ZNF804A: variants seen among roughly 807,000 people sequenced by gnomAD.
ZNF804A encodes zinc finger protein 804A.
A neutral mutation model predicts 16.5 loss-of-function variants in ZNF804A; 2 were observed. The ratio of observed to expected loss-of-function variants is 0.12; its 90% CI spans 0.05 to 0.38. The LOEUF (loss-of-function observed/expected upper bound fraction) is 0.38. ZNF804A is among the 10% of genes least tolerant of loss of function. The pLI is 0.99. For missense variants in ZNF804A, 1,473 were observed against 1,390.7 expected, an observed-to-expected ratio of 1.06 and a Z score of -0.94; for synonymous variants, 534 against 489.6, an observed-to-expected ratio of 1.09 and a Z score of -1.20.
At chr2:184,934,841 T>C (rs1424509633) in intron 3 of ZNF804A, among the ~76,000 whole-genome samples, 1 of 152,144 alleles carries the variant, frequency 6.6e-6, no homozygotes, top group African/African-American at 2.4e-5. Context: ...GATTTTCCCA[T>C]TAATTTTATG....
At chr2:184,716,945 C>T (rs1276656194) in intron 1 of ZNF804A, among the ~76,000 whole-genome samples, 1 of 152,106 alleles carries the variant, frequency 6.6e-6, no homozygotes, top group Non-Finnish European at 1.5e-5. Context: ...ACTCCTCCAA[C>T]TGTCCTCTTT....
rs1163432699 is a variant in ZNF804A, at chr2:184,813,993, C to CTTTTTTTTTT, written c.112-52357_112-52348dup. On this transcript the variant is annotated intron_variant, in intron 1 of 3. Transcript: ENST00000302277. ...TTTAGGGCATGTTTGAGAAAGGCAG[C>CTTTTTTTTTT]TTTTTTTTTTTTTTTTTTTTTTTTT... Among the ~76,000 whole-genome samples the CTTTTTTTTTT allele has an allele frequency of 1.6e-4, 8 of 49,196 alleles. 1 individual carries two copies. The highest frequency in any genetic ancestry group is 1.5e-4 in the African/African-American group (2 of 12,948). The allele number at this position is 49,196 out of a possible 152,430, so 32.3% of individuals were successfully genotyped here. A position where few individuals can be genotyped will look rare whatever the true frequency, so the allele number is the denominator to read the frequency against.
At chr2:184,641,075 C>T (rs962458652) in intron 1 of ZNF804A, among the ~76,000 whole-genome samples, 8 of 152,168 alleles carry the variant, frequency 5.3e-5, no homozygotes, top group African/African-American at 1.9e-4. Context: ...CTGCCTCAGC[C>T]TCCTGAGTAG....
At position 184,724,360 on chromosome 2, in the gene ZNF804A, A is replaced by G. The variant is rs189256733; in HGVS notation, c.111+125290A>G. Among the ~76,000 whole-genome samples the G allele has an allele frequency of 4.6e-5, 7 of 151,814 alleles. No individual in the cohort carries two copies. In the East Asian group the frequency reaches 1.3e-3, roughly 29 times the overall value. On this transcript the variant is annotated intron_variant, in intron 1 of 3. Transcript: ENST00000302277. ...AGTGAAGAAAAATGATAGCTGCTATAATTTAAAAATGTACACGATTTTGAA... is the reference window on the plus strand; with the variant it reads ...AGTGAAGAAAAATGATAGCTGCTATGATTTAAAAATGTACACGATTTTGAA...
At chr2:184,648,600 G>T (rs6434095) in intron 1 of ZNF804A, among the ~76,000 whole-genome samples, 1 of 151,790 alleles carries the variant, frequency 6.6e-6, no homozygotes, top group Non-Finnish European at 1.5e-5. Flanking sequence ...AGAAAGATCT[G>T]CCATAGAAAT....
chr2:184,649,868 CA>C (rs1229426129), intron 1 of ZNF804A, among the ~76,000 whole-genome samples: 11 of 148,386 alleles, frequency 7.4e-5, no homozygotes, highest in African/African-American at 2.7e-4. Context: ...GATGGATTCA[CA>C]GCTATGTTTC....
intron 1 of ZNF804A, among the ~76,000 whole-genome samples, chr2:184,818,771 G>A (rs953978981): frequency 6.6e-6 from 1 of 151,928 alleles, no homozygotes; most frequent in African/African-American, 2.4e-5. Context: ...TGACAAAACA[G>A]ACTTCAAACC....
chr2:184,608,668 T>TTGTTATTTAGATCTCAATA (rs1230117083), intron 1 of ZNF804A, among the ~76,000 whole-genome samples: 1 of 152,216 alleles, frequency 6.6e-6, no homozygotes, highest in Non-Finnish European at 1.5e-5. Context: ...GACAAGCTCC[T>TTGTTATTTAGATCTCAATA]ACCCATCAGT....
rs974194892 is a variant in ZNF804A, at chr2:184,682,556, G to C, written c.111+83486G>C. ...GCAGATGATGTCTCCAACCCTTGTG[G>C]CACTGCATACTCCTTCATTAAAATA... On this transcript the variant is annotated intron_variant, in intron 1 of 3. Transcript: ENST00000302277. Among the ~76,000 whole-genome samples, 5 of 151,960 alleles carry C rather than the reference G, an allele frequency of 3.3e-5. No homozygotes were observed. In the East Asian group the frequency reaches 9.7e-4, roughly 29 times the overall value.
chr2:184,922,535 G>A (rs1375802535), intron 2 of ZNF804A, among the ~76,000 whole-genome samples: 1 of 151,632 alleles, frequency 6.6e-6, no homozygotes, highest in Non-Finnish European at 1.5e-5. Flanking sequence ...AATGTTTTCT[G>A]CCATTCTGTG....
At chr2:184,932,376 C>G (rs981225855) in intron 2 of ZNF804A, among the ~76,000 whole-genome samples, 2 of 152,142 alleles carry the variant, frequency 1.3e-5, no homozygotes, top group Non-Finnish European at 2.9e-5. Context: ...GCCTCACAAT[C>G]TTGGTGGAAG....
intron 1 of ZNF804A, among the ~76,000 whole-genome samples, chr2:184,827,067 T>G (rs1208980154): frequency 6.6e-6 from 1 of 151,936 alleles, no homozygotes; most frequent in Non-Finnish European, 1.5e-5. Flanking sequence ...AGTTAAGATC[T>G]CTAAATATCT....
At position 184,936,530 on chromosome 2, in the gene ZNF804A, A is replaced by G. The variant is rs1685790662; in HGVS notation, c.1134A>G (p.Glu378=). Residue 378 remains glutamate (E), a synonymous_variant, in exon 4 of 4, where the codon GAA becomes GAG. Coordinates refer to ENST00000302277, the MANE Select transcript of ZNF804A (RefSeq NM_194250.2). ...TATCTGTGCAAGCTACCACAGAGGA[A>G]AATGTTAAGCATAACGAGGCATCCA... ...DCISVQATTE[E]NVKHNEASTT... is the part of the protein sequence containing the mutation. 6.2e-7 allele frequency: 1 copy of G among 1,613,878 alleles called. No homozygotes were observed. Among genetic ancestry groups the G allele is most frequent in the Non-Finnish European group, 8.5e-7 (1 of 1,179,962 alleles).
chr2:184,605,585 A>G (rs1691133059), intron 1 of ZNF804A, among the ~76,000 whole-genome samples: 1 of 152,132 alleles, frequency 6.6e-6, no homozygotes, highest in Admixed American at 6.5e-5. Context: ...TCCCTAAATA[A>G]TACAGTATAA....
At chr2:184,614,060 CA>C (rs1476248796) in intron 1 of ZNF804A, among the ~76,000 whole-genome samples, 1 of 152,172 alleles carries the variant, frequency 6.6e-6, no homozygotes, top group African/African-American at 2.4e-5. Flanking sequence ...GTAACCAAAA[CA>C]GCATGGTACT....
intron 1 of ZNF804A, among the ~76,000 whole-genome samples, chr2:184,778,373 A>G (rs1454579657): frequency 6.6e-6 from 1 of 151,570 alleles, no homozygotes; most frequent in Non-Finnish European, 1.5e-5. Context: ...AGCTAACAAT[A>G]TTTTACTTTT....
chr2:184,671,654 A>G (rs988745777), intron 1 of ZNF804A, among the ~76,000 whole-genome samples: 2 of 152,186 alleles, frequency 1.3e-5, no homozygotes, highest in African/African-American at 4.8e-5. Context: ...TAAACTTGAT[A>G]TTGATTGAAT....
chr2:184,750,167 G>A (rs1374062943), intron 1 of ZNF804A, among the ~76,000 whole-genome samples: 2 of 151,214 alleles, frequency 1.3e-5, no homozygotes, highest in Non-Finnish European at 1.5e-5. Flanking sequence ...ATTGAGGAGT[G>A]ATAACTTAGC....
At chr2:184,807,160 A>G (rs1243934872) in intron 1 of ZNF804A, among the ~76,000 whole-genome samples, 1 of 151,902 alleles carries the variant, frequency 6.6e-6, no homozygotes, top group Non-Finnish European at 1.5e-5. Context: ...ACATTGTAAC[A>G]TTCACTCCAA....
Sources: allele counts gnomAD v4.1 joint callset (sites outside exome capture counted in the v4.1 genomes callset), GRCh38; gene constraint gnomAD v4.1.1; transcripts MANE v1.5; gene names NCBI Gene and HGNC (gene_info 2026-07-23, HGNC 2026-07-21).